TNIK: variants seen among roughly 807,000 people sequenced by gnomAD.
TNIK encodes the protein TRAF2 and NCK interacting kinase.
A neutral mutation model predicts 191.3 loss-of-function variants in TNIK; 49 were observed. The observed-to-expected ratio is 0.26, with a 90% confidence interval of 0.20 to 0.32. The LOEUF (loss-of-function observed/expected upper bound fraction) is 0.32. Ranked by LOEUF, TNIK falls within the 10% of genes least tolerant of loss-of-function variation. TNIK has a pLI of 1.00. For synonymous variants in TNIK, 594 were observed against 600.9 expected (o/e 0.99, Z 0.17); for missense variants, 1,155 against 1,702.3 (o/e 0.68, Z 5.66).
At chr3:171,363,354 C>G (rs1415606920) in intron 2 of TNIK, among the ~76,000 whole-genome samples, 1 of 152,212 alleles carries the variant, frequency 6.6e-6, no homozygotes, top group Admixed American at 6.5e-5. Context: ...ACAGTGAACA[C>G]TCAGTCCTAA....
chr3:171,216,729 G>A (rs997578915), intron 3 of TNIK, among the ~76,000 whole-genome samples: 2 of 152,040 alleles, frequency 1.3e-5, no homozygotes, highest in Admixed American at 6.6e-5. Context: ...TTATCTCAGG[G>A]TCAAGTTATG....
At chr3:171,230,674 A>G in intron 2 of TNIK, among the ~76,000 whole-genome samples, 1 of 152,116 alleles carries the variant, frequency 6.6e-6, no homozygotes, top group Non-Finnish European at 1.5e-5. Flanking sequence ...CTCCTCAGAC[A>G]ACTTACTCTC....
intron 2 of TNIK, among the ~76,000 whole-genome samples, chr3:171,271,869 A>C (rs2109194282): frequency 6.6e-6 from 1 of 152,348 alleles, no homozygotes; most frequent in Admixed American, 6.5e-5. Context: ...ACTAAGTTCC[A>C]ATTATGTTTA....
chr3:171,171,455 CA>C (rs1281310127), intron 9 of TNIK, among the ~76,000 whole-genome samples: 1 of 152,194 alleles, frequency 6.6e-6, no homozygotes, highest in African/African-American at 2.4e-5. Context: ...AGAACTCGTG[CA>C]AATACACCAC....
intron 9 of TNIK, among the ~76,000 whole-genome samples, chr3:171,173,096 G>C (rs2108773571): frequency 6.6e-6 from 1 of 152,008 alleles, no homozygotes; most frequent in East Asian, 1.9e-4. Context: ...ATGAAAACAG[G>C]AGATGTGGCC....
At chr3:171,207,353 C>CTT (rs201039372) in intron 4 of TNIK, among the ~76,000 whole-genome samples, 16 of 151,272 alleles carry the variant, frequency 1.1e-4, no homozygotes, top group African/African-American at 3.9e-4. Context: ...AATTCTTTTT[C>CTT]TTTTTTTTTA....
chr3:171,171,426 T>C (rs1173805099), intron 9 of TNIK, among the ~76,000 whole-genome samples: 1 of 151,974 alleles, frequency 6.6e-6, no homozygotes, highest in African/African-American at 2.4e-5. Context: ...TCCAGGCTGG[T>C]TCTCCCAGTA....
At chr3:171,101,380 AT>A (rs1393339746) in intron 22 of TNIK, 68 bp downstream of exon 22, 11 of 1,501,600 alleles carry the variant, frequency 7.3e-6, no homozygotes, top group Non-Finnish European at 9.8e-6. Context: ...TTTAACTCAT[AT>A]TTTTTTGTCC....
Position 171,229,993 on chromosome 3 carries a change from T to C in TNIK, c.124-1772A>G, listed in dbSNP as rs1381774845. Among the ~76,000 whole-genome samples the C allele has an allele frequency of 3.3e-5, 5 of 152,206 alleles. No individual in the cohort carries two copies. In the South Asian group the frequency reaches 1.0e-3, roughly 32 times the overall value. ...CTGTGTCTGGGCCCTCATTTCCCCA[T>C]CTACAAAACGTGGGGAGACTGGGCT... On this transcript the variant is annotated intron_variant, in intron 2 of 32. Transcript: ENST00000436636.
At chr3:171,371,950 A>G (rs930314843) in intron 1 of TNIK, among the ~76,000 whole-genome samples, 3 of 89,176 alleles carry the variant, frequency 3.4e-5, no homozygotes, top group African/African-American at 1.1e-4. Context: ...AAAAAATAAC[A>G]GAAAGAGAAG....
intron 1 of TNIK, among the ~76,000 whole-genome samples, chr3:171,436,341 A>G (rs1435598362): frequency 6.6e-6 from 1 of 152,230 alleles, no homozygotes; most frequent in Admixed American, 6.5e-5. Flanking sequence ...AATTGTTTGC[A>G]AGAGTGATGC....
At chr3:171,198,211 C>T (rs113913488) in intron 4 of TNIK, among the ~76,000 whole-genome samples, 2 of 150,654 alleles carry the variant, frequency 1.3e-5, no homozygotes, top group Admixed American at 6.6e-5. Flanking sequence ...TGCAGTGAGC[C>T]GAGATTGCAC....
Position 171,359,280 on chromosome 3 carries a change from A to G in TNIK, c.123+10340T>C, listed in dbSNP as rs537542031. 1.7e-3 allele frequency among the ~76,000 whole-genome samples: 258 copies of G among 152,346 alleles called. 2 individuals carry two copies. Among genetic ancestry groups the G allele is most frequent in the African/African-American group, 5.7e-3 (237 of 41,580 alleles). ...AAGTATCAACTCGAAGATGTTAAAC[A>G]GTAACGGGCAAGTTTTCTAAAACAA... is the stretch of plus-strand genomic sequence containing the variant. On this transcript the variant is annotated intron_variant, in intron 2 of 32. Transcript: ENST00000436636.
intron 4 of TNIK, among the ~76,000 whole-genome samples, chr3:171,197,235 A>AT (rs1738813485): frequency 6.6e-6 from 1 of 152,176 alleles, no homozygotes; most frequent in African/African-American, 2.4e-5. Context: ...CTCACACCCT[A>AT]TACAAAAATA....
chr3:171,296,115 A>C lies in TNIK; in HGVS notation c.124-67894T>G, dbSNP rs1752262581. ...CCCAAAATGCTATAATTAAAGAGTC[A>C]ACTCCTCATATTTTGTCAGATCACA... On this transcript the variant is annotated intron_variant, in intron 2 of 32. Transcript: ENST00000436636. Among the ~76,000 whole-genome samples the C allele has an allele frequency of 3.9e-5, 6 of 152,320 alleles. No homozygotes were observed. The South Asian group carries it at 1.2e-3, about 32-fold the overall frequency.
Position 171,111,249 on chromosome 3 carries a change from C to A in TNIK, c.2121-372G>T, listed in dbSNP as rs1160393975. On this transcript the variant is annotated intron_variant, in intron 18 of 32. Transcript: ENST00000436636. ...CCAGCCTGGGCAACATAGTGAGATC[C>A]CATCTCCACAAAAAAATTAGCTGGG... Among the ~76,000 whole-genome samples, 7 of 151,542 alleles carry A rather than the reference C, an allele frequency of 4.6e-5. No individual in the cohort carries two copies. The East Asian group carries it at 9.7e-4, about 21-fold the overall frequency.
intron 2 of TNIK, among the ~76,000 whole-genome samples, chr3:171,358,691 T>G (rs1315309011): frequency 6.6e-6 from 1 of 152,196 alleles, no homozygotes; most frequent in African/African-American, 2.4e-5. Context: ...AATCAAGGGC[T>G]TCAGCTGGTT....
rs1305557795 is a variant in TNIK at position 171,152,757 on chromosome 3, GTTTTGTT to G, written c.1221+4696_1221+4702del. Reference sequence around the variant, plus strand: ...AGGGAGTACTACACAAAAACTATGTGTTTTGTTTTTTGTTTTTTGTTTTTTTTTTTTT... The same window carrying G: ...AGGGAGTACTACACAAAAACTATGTGTTTTGTTTTTTGTTTTTTTTTTTTT... On this transcript the variant is annotated intron_variant, in intron 12 of 32. Coordinates refer to ENST00000436636, the MANE Select transcript of TNIK (RefSeq NM_015028.4). 2.9e-4 allele frequency among the ~76,000 whole-genome samples: 40 copies of G among 137,590 alleles called. 1 individual carries two copies. Among genetic ancestry groups the G allele is most frequent in the Middle Eastern group, 3.6e-3 (1 of 276 alleles). The allele number at this position is 137,590 out of a possible 152,430, so 90.3% of individuals were successfully genotyped here.
rs1553835022 is a variant in TNIK, at chr3:171,145,088, C to CTCTCT, written c.1222-4580_1222-4579insAGAGA. Among the ~76,000 whole-genome samples, 1,210 of 132,648 alleles carry CTCTCT rather than the reference C, an allele frequency of 9.1e-3. 20 individuals are homozygous for CTCTCT. Among genetic ancestry groups the CTCTCT allele is most frequent in the African/African-American group, 0.029 (1,008 of 34,548 alleles). 87.0% of individuals were successfully genotyped at this position (132,648 alleles called of 152,430 possible). ...AACAAAGGAGCACAGCTATCTCTCT[C>CTCTCT]TTTTTTTTTTTTTTTTGAGATGGAG... On this transcript the variant is annotated intron_variant, in intron 12 of 32. Coordinates refer to ENST00000436636, the MANE Select transcript of TNIK (RefSeq NM_015028.4).
Sources: gnomAD v4.1 joint callset for allele counts (sites outside exome capture counted in the v4.1 genomes callset) on GRCh38, gnomAD v4.1.1 for gene constraint, MANE v1.5 for transcripts, NCBI Gene and HGNC (gene_info 2026-07-23, HGNC 2026-07-21) for gene names.